LRRC4C: variants seen among roughly 807,000 people sequenced by gnomAD.
LRRC4C encodes leucine rich repeat containing 4C, also known as leucine-rich repeat-containing protein 4C.
In LRRC4C, 5 loss-of-function variants were observed where a neutral mutation model predicts 33.6. The ratio of observed to expected loss-of-function variants is 0.15; its 90% CI spans 0.08 to 0.31. The LOEUF (loss-of-function observed/expected upper bound fraction) is 0.31, where lower values mean the gene tolerates loss of function less well. Among genes scored for constraint, LRRC4C ranks in the 10% least tolerant of loss-of-function variants. The pLI is 1.00. For missense variants in LRRC4C, 560 were observed against 796.7 expected, an observed-to-expected ratio of 0.70 and a Z score of 3.58; for synonymous variants, 329 against 302.0, an observed-to-expected ratio of 1.09 and a Z score of -0.93.
chr11:40,920,962 C>A (rs1240721105), intron 2 of LRRC4C, among the ~76,000 whole-genome samples: 1 of 147,370 alleles, frequency 6.8e-6, no homozygotes, highest in Non-Finnish European at 1.5e-5. Flanking sequence ...GCTCTGTTGT[C>A]CAGGCTGAAG....
intron 1 of LRRC4C, among the ~76,000 whole-genome samples, chr11:41,106,090 G>A (rs1941476949): frequency 6.6e-6 from 1 of 152,032 alleles, no homozygotes; most frequent in African/African-American, 2.4e-5. Context: ...GGAATGGAGA[G>A]GTTAAGTTTC....
intron 3 of LRRC4C, among the ~76,000 whole-genome samples, chr11:40,348,087 C>A (rs1216349979): frequency 6.6e-6 from 1 of 151,816 alleles, no homozygotes; most frequent in Non-Finnish European, 1.5e-5. Context: ...ATCACGGTAC[C>A]CAAAAACAAT....
At chr11:40,940,294 TTAG>T (rs1958085381) in intron 1 of LRRC4C, among the ~76,000 whole-genome samples, 1 of 152,050 alleles carries the variant, frequency 6.6e-6, no homozygotes, top group African/African-American at 2.4e-5. Context: ...CCAAACAAGT[TTAG>T]AATAGTATAT....
At chr11:40,792,919 T>C (rs542136258) in intron 2 of LRRC4C, among the ~76,000 whole-genome samples, 250 of 151,904 alleles carry the variant, frequency 1.6e-3, no homozygotes, top group African/African-American at 5.9e-3. Context: ...TTCTCACTCA[T>C]AGGTGGGAAT....
At position 40,114,663 on chromosome 11, in the gene LRRC4C, G is replaced by C; in HGVS notation, c.1630C>G (p.Leu544Val). 2 of 1,614,150 alleles carry C rather than the reference G, an allele frequency of 1.2e-6. No individual in the cohort carries two copies. The highest frequency in any genetic ancestry group is 1.7e-6 in the Non-Finnish European group (2 of 1,180,008). ...VAITLMAAVM[L>V]VIFYKMRKQH... ...TTCCTCATCTTGTAGAAAATGACCA[G>C]CATCACTGCAGCCATGAGTGTGATG... The change falls in exon 7 of 7, where the codon CTG (leucine) becomes GTG (valine). Residue 544 changes from leucine to valine, a missense_variant. Leu to Val is a conservative substitution (Grantham distance 32, BLOSUM62 1). Around this residue, in one of 3 missense-constraint regions of LRRC4C, gnomAD observed 103 missense variants for 132.1 expected, o/e 0.78. Coordinates refer to ENST00000528697, the MANE Select transcript of LRRC4C (RefSeq NM_001258419.2).
At chr11:40,446,570 G>T (rs567596861) in intron 3 of LRRC4C, 1 of 152,228 alleles carries the variant, frequency 6.6e-6, no homozygotes, top group Admixed American at 6.5e-5. Flanking sequence ...GGGAGACTTG[G>T]TTTTGGCAGT....
intron 1 of LRRC4C, among the ~76,000 whole-genome samples, chr11:41,064,845 A>G (rs997852978): frequency 6.6e-6 from 1 of 152,290 alleles, no homozygotes; most frequent in Non-Finnish European, 1.5e-5. Context: ...TCCCCAACCA[A>G]CGAAGCCCTG....
At chr11:40,394,852 A>T (rs1590595420) in intron 3 of LRRC4C, among the ~76,000 whole-genome samples, 1 of 152,098 alleles carries the variant, frequency 6.6e-6, no homozygotes, top group Non-Finnish European at 1.5e-5. Flanking sequence ...TGAAACTACG[A>T]TTTTCAGAAA....
At chr11:41,030,345 G>T (rs1347865168) in intron 1 of LRRC4C, among the ~76,000 whole-genome samples, 1 of 151,826 alleles carries the variant, frequency 6.6e-6, no homozygotes, top group Non-Finnish European at 1.5e-5. Context: ...GTAATTCTGT[G>T]CAAGAAGCCT....
rs16935550 is a variant in LRRC4C at position 41,284,999 on chromosome 11, T to G, written c.-496+174432A>C. 8.0e-3 allele frequency among the ~76,000 whole-genome samples: 1,221 copies of G among 152,256 alleles called. 21 individuals are homozygous for G. Among genetic ancestry groups the G allele is most frequent in the African/African-American group, 0.028 (1,156 of 41,544 alleles). On this transcript the variant is annotated intron_variant, in intron 1 of 6. Transcript: ENST00000528697. Reference sequence around the variant, plus strand: ...AGTTTCATCTAATTGGTGAAGTAAATTTTTTCTCAAGTGACAGATTATATT... The same window carrying G: ...AGTTTCATCTAATTGGTGAAGTAAAGTTTTTCTCAAGTGACAGATTATATT...
intron 1 of LRRC4C, among the ~76,000 whole-genome samples, chr11:40,955,243 C>T (rs948030253): frequency 6.6e-6 from 1 of 151,734 alleles, no homozygotes; most frequent in Non-Finnish European, 1.5e-5. Flanking sequence ...AGGGGACAAA[C>T]GTGTACCTAG....
At chr11:40,744,978 A>C (rs1948345231) in intron 2 of LRRC4C, among the ~76,000 whole-genome samples, 2 of 152,202 alleles carry the variant, frequency 1.3e-5, no homozygotes, top group South Asian at 4.1e-4. Context: ...AAATGATGAG[A>C]ATAATATCCA....
chr11:40,265,281 C>T (rs536254925), intron 4 of LRRC4C, among the ~76,000 whole-genome samples: 2 of 152,246 alleles, frequency 1.3e-5, no homozygotes, highest in African/African-American at 4.8e-5. Flanking sequence ...TGTCCTTTTG[C>T]TTTGCCTTGT....
chr11:40,613,033 A>G (rs1284978366), intron 3 of LRRC4C, among the ~76,000 whole-genome samples: 2 of 151,914 alleles, frequency 1.3e-5, no homozygotes, highest in Non-Finnish European at 2.9e-5. Flanking sequence ...GTCTCCAGCA[A>G]TTGTAATCTT....
intron 4 of LRRC4C, among the ~76,000 whole-genome samples, chr11:40,313,006 G>A (rs892330998): frequency 6.6e-6 from 1 of 152,056 alleles, no homozygotes; most frequent in African/African-American, 2.4e-5. Context: ...AGACCCAAAT[G>A]TCTATCACGC....
At chr11:41,317,817 T>C (rs1344220159) in intron 1 of LRRC4C, among the ~76,000 whole-genome samples, 1 of 152,142 alleles carries the variant, frequency 6.6e-6, no homozygotes, top group African/African-American at 2.4e-5. Context: ...TGTATGGTCA[T>C]CTATTGAAAG....
At chr11:40,237,573 A>G (rs1049397345) in intron 5 of LRRC4C, among the ~76,000 whole-genome samples, 2 of 152,224 alleles carry the variant, frequency 1.3e-5, no homozygotes, top group African/African-American at 2.4e-5. Flanking sequence ...TTGGCACCCA[A>G]TAAATGTTTG....
intron 1 of LRRC4C, among the ~76,000 whole-genome samples, chr11:41,260,568 GA>G (rs139565719): frequency 0.019 from 2,871 of 151,124 alleles, 90 homozygotes; most frequent in African/African-American, 0.067. Context: ...GACAGTACAG[GA>G]AAAAATATAT....
At chr11:41,035,780 T>C (rs1007091647) in intron 1 of LRRC4C, among the ~76,000 whole-genome samples, 10 of 152,210 alleles carry the variant, frequency 6.6e-5, no homozygotes, top group Non-Finnish European at 1.2e-4. Context: ...AATAAATATG[T>C]AGAATTGAAT....
Sources: allele counts gnomAD v4.1 joint callset (sites outside exome capture counted in the v4.1 genomes callset), GRCh38; gene constraint gnomAD v4.1.1; regional missense constraint gnomAD v4.1.1; transcripts MANE v1.5; gene names NCBI Gene and HGNC (gene_info 2026-07-23, HGNC 2026-07-21).